Variants in COL18A1 observed in about 807,000 individuals in gnomAD.
The protein encoded by COL18A1 is collagen type XVIII alpha 1 chain, also known as collagen alpha-1(XVIII) chain.
COL18A1 carries 133 observed loss-of-function variants against 168.0 expected under a neutral mutation model. The ratio of observed to expected loss-of-function variants is 0.79; its 90% CI spans 0.69 to 0.91. The LOEUF is 0.91. COL18A1 is among the 40% of genes least tolerant of loss of function. COL18A1 has a pLI of 0.00. For synonymous variants in COL18A1, 949 were observed against 809.0 expected (o/e 1.17, Z -2.94); for missense variants, 2,126 against 1,925.4 (o/e 1.10, Z -1.95).
At chr21:45,503,810 TAAAATAA>T (rs1379078032) in intron 32 of COL18A1, 194 bp from the exon 33 acceptor site, 1 of 347,614 alleles carries the variant, frequency 2.9e-6, no homozygotes, top group Non-Finnish European at 5.1e-6. Flanking sequence ...AATTTAAAAA[TAAAATAA>T]AAATAAAAAG....
chr21:45,479,072 C>T (rs115588827), intron 9 of COL18A1, among the ~76,000 whole-genome samples: 2,273 of 138,244 alleles, frequency 0.016, 50 homozygotes, highest in African/African-American at 0.052. Context: ...ACAGGGTACA[C>T]GCACGCGTGT....
intron 2 of COL18A1, among the ~76,000 whole-genome samples, chr21:45,438,964 CCGAAAGCCACAGGACGT>C (rs2034294501): frequency 6.6e-6 from 1 of 152,110 alleles, no homozygotes; most frequent in Non-Finnish European, 1.5e-5. Context: ...GAGATGGATA[CCGAAAGCCACAGGACGT>C]GCTTAGGGAC....
chr21:45,464,423 A>G lies in COL18A1; in HGVS notation c.107-3819A>G, dbSNP rs138833557. On this transcript the variant is annotated intron_variant, in intron 2 of 41. Transcript: ENST00000651438. ...ACAGAGCTCCTGAGTCCCACTAACC[A>G]CGGCCACCTGCAGTGGTCAGGTGGG... Among the ~76,000 whole-genome samples, 1,057 of 152,158 alleles carry G rather than the reference A, an allele frequency of 6.9e-3. 8 individuals carry two copies. Among genetic ancestry groups the G allele is most frequent in the Non-Finnish European group, 0.011 (762 of 67,986 alleles).
chr21:45,430,846 G>A (rs1286901864), intron 2 of COL18A1, among the ~76,000 whole-genome samples: 6 of 152,216 alleles, frequency 3.9e-5, no homozygotes, highest in African/African-American at 1.2e-4. Flanking sequence ...AGGCTCTGCC[G>A]GCCGTGGTCA....
intron 6 of COL18A1, 97 bp downstream of exon 6, chr21:45,476,577 G>C: frequency 7.2e-7 from 1 of 1,393,472 alleles, no homozygotes; most frequent in South Asian, 1.2e-5. Flanking sequence ...GTGATGTATG[G>C]TGTGTGTAGT....
intron 2 of COL18A1, among the ~76,000 whole-genome samples, chr21:45,440,627 T>C (rs917247997): frequency 6.7e-6 from 1 of 149,062 alleles, no homozygotes. Flanking sequence ...TGAGCCACGT[T>C]CCCCGGAAGC....
chr21:45,468,233 T>C lies in COL18A1; in HGVS notation c.107-9T>C. The C allele has an allele frequency of 6.2e-7, 1 of 1,612,854 alleles. No homozygotes were observed. Among genetic ancestry groups the C allele is most frequent in the Non-Finnish European group, 8.5e-7 (1 of 1,180,002 alleles). On this transcript the variant is annotated splice_polypyrimidine_tract_variant and intron_variant, in intron 2 of 41. Coordinates refer to ENST00000651438, the MANE Select transcript of COL18A1 (RefSeq NM_001379500.1). ...ACAGCCACCTCACCAGCTGTCTTTC[T>C]TTTTGCAGAGCGCATCAGCGAGGAG...
chr21:45,467,780 C>T (rs1204609517), intron 2 of COL18A1, among the ~76,000 whole-genome samples: 3 of 151,604 alleles, frequency 2.0e-5, no homozygotes, highest in Non-Finnish European at 4.4e-5. Context: ...GGCACAGGGC[C>T]GGGCGGGAAG....
At position 45,438,290 on chromosome 21, in the gene COL18A1, G is replaced by GCA. The variant is rs770977755; in HGVS notation, c.107-29940_107-29939dup. ...CACTCAGACACACAGGCACTCTCCT[G>GCA]CACACACACACACTCAGACACACAG... On this transcript the variant is annotated intron_variant, in intron 2 of 41. Transcript: ENST00000651438. Among the ~76,000 whole-genome samples the GCA allele has an allele frequency of 2.5e-4, 21 of 84,572 alleles. No homozygotes were observed. In the East Asian group the frequency reaches 2.5e-3, roughly 10 times the overall value. 55.5% of individuals were successfully genotyped at this position (84,572 alleles called of 152,430 possible). A position where few individuals can be genotyped will look rare whatever the true frequency, so the allele number is the denominator to read the frequency against.
intron 3 of COL18A1, among the ~76,000 whole-genome samples, chr21:45,472,666 C>T (rs190312296): frequency 1.6e-4 from 24 of 152,126 alleles, no homozygotes; most frequent in African/African-American, 5.5e-4. Flanking sequence ...TGCCCCTGGC[C>T]GACCTGGGGG....
Position 45,473,592 on chromosome 21 carries a change from T to G in COL18A1, c.652-303T>G, listed in dbSNP as rs953422546. 6.6e-6 allele frequency among the ~76,000 whole-genome samples: 1 copy of G among 152,140 alleles called. No individual in the cohort carries two copies. Among genetic ancestry groups the G allele is most frequent in the African/African-American group, 2.4e-5 (1 of 41,428 alleles). ...AGGCCTTGGATCGAGCCACACCTGC[T>G]GTGGTTCTAAACCCGTAGCCCTCAG... On this transcript the variant is annotated intron_variant, in intron 3 of 41. Coordinates refer to ENST00000651438, the MANE Select transcript of COL18A1 (RefSeq NM_001379500.1). This position sits in a 1 kb window ranked among gnomAD's most constrained non-coding sequence, Gnocchi z 4.0.
intron 2 of COL18A1, among the ~76,000 whole-genome samples, chr21:45,426,250 G>A (rs565856390): frequency 3.3e-5 from 5 of 152,198 alleles, no homozygotes; most frequent in African/African-American, 1.2e-4. Flanking sequence ...AATTACAGGC[G>A]CCCGCCACCA....
intron 2 of COL18A1, among the ~76,000 whole-genome samples, chr21:45,415,210 T>C (rs7281138): frequency 0.82 from 124,795 of 152,220 alleles, 51,668 homozygotes; most frequent in African/African-American, 0.94. Context: ...AGGGCCACTC[T>C]GTGGGGCAGG....
At chr21:45,510,365 A>C in intron 40 of COL18A1, 104 bp downstream of exon 40, 1 of 1,287,994 alleles carries the variant, frequency 7.8e-7, no homozygotes, top group Non-Finnish European at 1.1e-6. Context: ...GGAGGCCACC[A>C]TGTTACAGAC....
intron 2 of COL18A1, among the ~76,000 whole-genome samples, chr21:45,454,831 T>G (rs755548): frequency 0.44 from 66,679 of 151,816 alleles, 16,210 homozygotes; most frequent in African/African-American, 0.66. Flanking sequence ...CGGGAAGGAG[T>G]ATGCATTCCT....
chr21:45,510,881 C>T lies in COL18A1; in HGVS notation c.3694-230C>T, dbSNP rs35220265. On this transcript the variant is annotated intron_variant, in intron 40 of 41. Transcript: ENST00000651438. ...GCTGCCTGGCCAGGCCTGGCTCCCC[C>T]ACGCTTGTTCCCTGGCAGGACATGC... Among the ~76,000 whole-genome samples, 37,391 of 151,196 alleles carry T rather than the reference C, an allele frequency of 0.25. 4,796 individuals carry two copies. The highest frequency in any genetic ancestry group is 0.37 in the East Asian group (1,857 of 4,972).
intron 5 of COL18A1, 81 bp downstream of exon 5, chr21:45,475,616 A>C (rs551127846): frequency 2.5e-6 from 3 of 1,199,316 alleles, no homozygotes; most frequent in Admixed American, 2.0e-5. Context: ...ACATGTGCAC[A>C]CGCAGGTGTG....
At position 45,455,657 on chromosome 21, in the gene COL18A1, A is replaced by G. The variant is rs2034774491; in HGVS notation, c.107-12585A>G. ...TAATGAGGACACCAGCCATGCAGCT[A>G]CCACGATCCCTGAGCCCCAGGGGCC... On this transcript the variant is annotated intron_variant, in intron 2 of 41. Transcript: ENST00000651438. 5.6e-6 allele frequency: 9 copies of G among 1,613,878 alleles called. No individual in the cohort carries two copies. Among genetic ancestry groups the G allele is most frequent in the Middle Eastern group, 1.6e-4 (1 of 6,062 alleles).
chr21:45,426,961 C>T (rs926550348), intron 2 of COL18A1, among the ~76,000 whole-genome samples: 1 of 152,176 alleles, frequency 6.6e-6, no homozygotes, highest in African/African-American at 2.4e-5. Flanking sequence ...GCTCTCAGGA[C>T]GCAGGGGCTT....
Sources: gnomAD v4.1 joint callset for allele counts (sites outside exome capture counted in the v4.1 genomes callset) on GRCh38, gnomAD v4.1.1 for gene constraint, Gnocchi (gnomAD v3.1) non-coding constraint, MANE v1.5 for transcripts, NCBI Gene and HGNC (gene_info 2026-07-23, HGNC 2026-07-21) for gene names.